ZNF695: variants seen among roughly 807,000 people sequenced by gnomAD.
ZNF695 encodes zinc finger protein 695, also known as zinc finger protein SBZF3.
In ZNF695, 11 loss-of-function variants were observed where a neutral mutation model predicts 11.2. The observed-to-expected ratio is 0.98, with a 90% CI of 0.62 to 1.62. The LOEUF (loss-of-function observed/expected upper bound fraction) is 1.62. Ranked by LOEUF, ZNF695 falls within the 40% of genes most tolerant of loss-of-function variation. The pLI, the probability that ZNF695 is intolerant of heterozygous loss-of-function variation, is 0.00. For synonymous variants in ZNF695, 190 were observed against 201.4 expected, an observed-to-expected ratio of 0.94 and a Z score of 0.48; for missense variants, 559 against 590.5, an observed-to-expected ratio of 0.95 and a Z score of 0.55.
chr1:246,956,891 T>C lies in ZNF695; in HGVS notation c.488+10804A>G, dbSNP rs190630486. On this transcript the variant is annotated intron_variant, in intron 5 of 5. Coordinates refer to the ZNF695 transcript ENST00000487338. ...GTTGTTGTGATTACTCAGTATAACG[T>C]CCTTATGCTTAGGAGATGCATGTTG... Among the ~76,000 whole-genome samples the C allele has an allele frequency of 2.0e-4, 30 of 152,108 alleles. 2 individuals carry two copies. Among genetic ancestry groups the C allele is most frequent in the African/African-American group, 7.2e-4 (30 of 41,480 alleles).
At chr1:246,991,338 C>A (rs746754582) in intron 3 of ZNF695, among the ~76,000 whole-genome samples, 1 of 151,932 alleles carries the variant, frequency 6.6e-6, no homozygotes, top group Admixed American at 6.6e-5. Flanking sequence ...GAAGAGACAA[C>A]CCAGAGAATG....
At chr1:247,006,142 T>C (rs1669526949) in intron 1 of ZNF695, among the ~76,000 whole-genome samples, 1 of 151,548 alleles carries the variant, frequency 6.6e-6, no homozygotes, top group African/African-American at 2.4e-5. Flanking sequence ...GGAGTATCGC[T>C]TGAACCCGGG....
At chr1:246,962,289 A>G (rs1180382839) in intron 5 of ZNF695, among the ~76,000 whole-genome samples, 1 of 152,188 alleles carries the variant, frequency 6.6e-6, no homozygotes, top group Non-Finnish European at 1.5e-5. Flanking sequence ...CTGGGCCCTC[A>G]TGGCCCAGTC....
intron 5 of ZNF695, among the ~76,000 whole-genome samples, chr1:246,948,190 C>T (rs561781383): frequency 8.3e-4 from 127 of 152,262 alleles, no homozygotes; most frequent in African/African-American, 2.9e-3. Context: ...TCTCCTGCCT[C>T]GGCCTCCTGA....
intron 5 of ZNF695, among the ~76,000 whole-genome samples, chr1:246,965,569 T>C (rs1381854456): frequency 6.6e-6 from 1 of 151,516 alleles, no homozygotes; most frequent in African/African-American, 2.4e-5. Flanking sequence ...AAACCCTGTC[T>C]CTACTAAAAA....
At chr1:247,005,737 C>T (rs142940867) in intron 1 of ZNF695, among the ~76,000 whole-genome samples, 1 of 152,128 alleles carries the variant, frequency 6.6e-6, no homozygotes, top group Non-Finnish European at 1.5e-5. Context: ...TGGCCCCCGT[C>T]TCTAGGCATA....
At chr1:246,978,538 G>A (rs573838964) in intron 4 of ZNF695, among the ~76,000 whole-genome samples, 3 of 152,368 alleles carry the variant, frequency 2.0e-5, no homozygotes, top group Admixed American at 2.0e-4. Context: ...AGCAGTGAAG[G>A]AAGATGGGAA....
At chr1:246,959,295 A>AAAAAAAAT (rs1668090805) in intron 5 of ZNF695, among the ~76,000 whole-genome samples, 1 of 62,664 alleles carries the variant, frequency 1.6e-5, no homozygotes, top group Non-Finnish European at 2.9e-5. Flanking sequence ...AAAAAAAAAA[A>AAAAAAAAT]AAAAAAAAAA....
At chr1:246,967,373 TG>T (rs1335022162) in intron 5 of ZNF695, 4 of 456,480 alleles carry the variant, frequency 8.8e-6, no homozygotes, top group African/African-American at 6.0e-5. Flanking sequence ...GCTGGTGGCC[TG>T]GACAAGGGTG....
chr1:246,955,369 G>T (rs181194778), intron 5 of ZNF695, among the ~76,000 whole-genome samples: 112 of 152,276 alleles, frequency 7.4e-4, no homozygotes, highest in African/African-American at 2.6e-3. Flanking sequence ...AAATTTTTCA[G>T]CTCTATTGTA....
At position 246,999,430 on chromosome 1, in the gene ZNF695, CAT is replaced by C; in HGVS notation, c.175_176del (p.Met59ValfsTer2). On this transcript the variant is annotated frameshift_variant, in exon 3 of 4. Coordinates refer to ENST00000339986, the MANE Select transcript of ZNF695 (RefSeq NM_020394.5). LOFTEE classifies it high-confidence loss of function. ...NMQFLFHSLA[M>X]SKPELIICLE... ...GACAGATGATCAGTTCTGGCTTAGA[CAT>C]AGCAAGACCTGTTTTATTAGAAAAA... 1 of 1,613,764 alleles carries C rather than the reference CAT, an allele frequency of 6.2e-7. No homozygotes were observed.
chr1:246,971,401 G>T (rs1668421059), intron 4 of ZNF695, among the ~76,000 whole-genome samples: 1 of 152,206 alleles, frequency 6.6e-6, no homozygotes, highest in African/African-American at 2.4e-5. Context: ...ATAGCTGTGG[G>T]TGGGCCTGAC....
At chr1:246,980,982 T>C (rs1668694789), downstream of ZNF695, among the ~76,000 whole-genome samples, 1 of 152,098 alleles carries the variant, frequency 6.6e-6, no homozygotes, top group Admixed American at 6.5e-5. Context: ...AACCACAGAA[T>C]GAAAAAATAT....
intron 4 of ZNF695, among the ~76,000 whole-genome samples, chr1:246,977,224 G>C (rs1286257514): frequency 6.6e-6 from 1 of 152,170 alleles, no homozygotes; most frequent in Non-Finnish European, 1.5e-5. Context: ...GAAATGTTTT[G>C]TACAAGGTTG....
intron 5 of ZNF695, among the ~76,000 whole-genome samples, chr1:246,958,821 C>A (rs186121754): frequency 6.6e-6 from 1 of 152,142 alleles, no homozygotes. Flanking sequence ...CATAGTAACA[C>A]GCGGGGACAG....
chr1:246,996,274 G>C (rs1003496020), intron 3 of ZNF695: 2 of 271,982 alleles, frequency 7.4e-6, no homozygotes, highest in Admixed American at 1.0e-4. Context: ...GAGATCACTT[G>C]AATCTGGAAG....
rs190716439 is a variant in ZNF695, at chr1:246,977,487, C to T, written c.391-9695G>A. 3.2e-3 allele frequency among the ~76,000 whole-genome samples: 484 copies of T among 152,234 alleles called. 2 individuals carry two copies. The highest frequency in any genetic ancestry group is 5.7e-3 in the Non-Finnish European group (388 of 67,988). On this transcript the variant is annotated intron_variant, in intron 4 of 5. Coordinates refer to the ZNF695 transcript ENST00000487338. ...TGGCCAGGTTTCGAAAGCCTGACTT[C>T]GTGATCCACCCGCCTCAGCCTCCAA...
Position 247,008,026 on chromosome 1 carries a change from C to T in ZNF695, c.-118G>A. ...CTCTCCGAGAGGCAGCAGACGGGAA[C>T]CCAGCACCCCGCCGGCCGCAAGGAG... On this transcript the variant is annotated 5_prime_UTR_variant, in exon 1 of 4. Transcript: ENST00000339986. The T allele has an allele frequency of 1.7e-6, 2 of 1,190,540 alleles. No homozygotes were observed. The highest frequency in any genetic ancestry group is 2.2e-6 in the Non-Finnish European group (2 of 905,532). 73.7% of individuals were successfully genotyped at this position (1,190,540 alleles called of 1,614,324 possible). A position where few individuals can be genotyped will look rare whatever the true frequency, so the allele number is the denominator to read the frequency against.
intron 3 of ZNF695, among the ~76,000 whole-genome samples, chr1:246,997,460 G>A (rs963225347): frequency 2.7e-4 from 41 of 151,338 alleles, no homozygotes; most frequent in Non-Finnish European, 4.9e-4. Flanking sequence ...CTGAGATCAC[G>A]CCACTGCACT....
Sources: gnomAD v4.1 joint callset for allele counts (sites outside exome capture counted in the v4.1 genomes callset) on GRCh38, gnomAD v4.1.1 for gene constraint, MANE v1.5 for transcripts, NCBI Gene and HGNC (gene_info 2026-07-23, HGNC 2026-07-21) for gene names.